The following MVB12A variants were observed in gnomAD, a reference collection of about 807,000 sequenced individuals.
MVB12A encodes multivesicular body subunit 12A.
A neutral mutation model predicts 34.3 loss-of-function variants in MVB12A; 30 were observed. That is an observed-to-expected ratio of 0.88 (90% CI 0.65 to 1.19). The LOEUF (loss-of-function observed/expected upper bound fraction) is 1.19, where lower values mean the gene tolerates loss of function less well. Among genes scored for constraint, MVB12A ranks in the 50% most tolerant of loss-of-function variants. The pLI, the probability that MVB12A is intolerant of heterozygous loss-of-function variation, is 0.00. For missense variants in MVB12A, 355 were observed against 369.2 expected, an observed-to-expected ratio of 0.96 and a Z score of 0.31; for synonymous variants, 158 against 158.9, an observed-to-expected ratio of 0.99 and a Z score of 0.04.
At position 17,420,126 on chromosome 19, in the gene MVB12A, G is replaced by C. The variant is rs773751624; in HGVS notation, c.-10G>C. The C allele has an allele frequency of 1.2e-5, 16 of 1,329,222 alleles. No individual in the cohort carries two copies. In the Admixed American group the frequency reaches 4.5e-4, roughly 38 times the overall value. The allele number at this position is 1,329,222 out of a possible 1,614,324, so 82.3% of individuals were successfully genotyped here. On this transcript the variant is annotated 5_prime_UTR_variant, in exon 1 of 9. Transcript: ENST00000317040. ...CCCCGCGACCCCGCCTTCGGCGCTCGGCTCGCAGGATGGATCCCGTACCCG... is the reference window on the plus strand; with the variant it reads ...CCCCGCGACCCCGCCTTCGGCGCTCCGCTCGCAGGATGGATCCCGTACCCG...
upstream of MVB12A, chr19:17,419,884 A>G (rs1418708939): frequency 1.4e-5 from 5 of 361,924 alleles, no homozygotes; most frequent in Non-Finnish European, 2.5e-5. Flanking sequence ...GAAAGCCGGC[A>G]AGACCTTTTT....
At position 17,412,254 on chromosome 19, in the gene MVB12A, CT is replaced by C. The variant is rs2074774008; in HGVS notation, c.-5+5962del. Among the ~76,000 whole-genome samples the C allele has an allele frequency of 2.0e-5, 3 of 152,090 alleles. No individual in the cohort carries two copies. In the South Asian group the frequency reaches 6.2e-4, roughly 31 times the overall value. On this transcript the variant is annotated intron_variant, in intron 2 of 6. Coordinates refer to the MVB12A transcript ENST00000528604. ...CGGGCCTCTGCTTTTCTTTCTCTCT[CT>C]TTTGCTCTTTCTCTCTCTCTTTCTT...
intron 2 of MVB12A, among the ~76,000 whole-genome samples, chr19:17,407,929 G>A (rs567546760): frequency 9.9e-5 from 15 of 152,206 alleles, no homozygotes; most frequent in African/African-American, 1.4e-4. Flanking sequence ...TGGCGTCACC[G>A]CTAGACCAAG....
chr19:17,424,945 CGTG>C lies in MVB12A; in HGVS notation c.779_781del (p.Val260del). The C allele has an allele frequency of 6.2e-7, 1 of 1,610,140 alleles. No homozygotes were observed. The highest frequency in any genetic ancestry group is 8.5e-7 in the Non-Finnish European group (1 of 1,177,900). On this transcript the variant is annotated inframe_deletion, in exon 9 of 9. Coordinates refer to ENST00000317040, the MANE Select transcript of MVB12A (RefSeq NM_138401.4). ...CCATCCCCCAGTATAACTACGGCTT[CGTG>C]GTGGAGAAGACCGCGGCTGCCCGCC...
intron 1 of MVB12A, 38 bp from the exon 2 acceptor site, chr19:17,420,275 G>C: frequency 6.4e-7 from 1 of 1,558,252 alleles, no homozygotes; most frequent in Non-Finnish European, 8.7e-7. Context: ...AGTCGCTGTG[G>C]GGTGGGAGTC....
chr19:17,424,831 T>G, intron 8 of MVB12A, 100 bp from the exon 9 acceptor site: 1 of 1,245,650 alleles, frequency 8.0e-7, no homozygotes, highest in South Asian at 1.3e-5. Flanking sequence ...AGAAGACCAC[T>G]CAAGTCCCTA....
At chr19:17,410,497 CATAT>C (rs373127253) in intron 2 of MVB12A, among the ~76,000 whole-genome samples, 1,054 of 77,624 alleles carry the variant, frequency 0.014, 52 homozygotes, top group African/African-American at 0.059. Flanking sequence ...GTTTTAGCTT[CATAT>C]ATATATATAT....
At chr19:17,423,975 C>T (rs748199748) in intron 6 of MVB12A, 31 bp from the exon 7 acceptor site, 6 of 1,612,770 alleles carry the variant, frequency 3.7e-6, no homozygotes, top group South Asian at 1.1e-5. Context: ...TTCCCTACAC[C>T]TCACCTCCTC....
In MVB12A at chr19:17,424,653, G is replaced by C. The variant is rs751647117; in HGVS notation, c.735G>C (p.Lys245Asn). 1 of 1,612,472 alleles carries C rather than the reference G, an allele frequency of 6.2e-7. No individual in the cohort carries two copies. The highest frequency in any genetic ancestry group is 1.1e-5 in the South Asian group (1 of 90,860). The stretch of plus-strand genomic sequence containing the variant: ...CTGCTTTTGGGGACCTGACCATCAA[G>C]TCTCTGGCGGACATTGAGGAGGAGG... Reference protein sequence around the residue: ...AFSAFGDLTIKSLADIEEEYN... With the variant: ...AFSAFGDLTINSLADIEEEYN... Residue 245 changes from lysine (K) to asparagine (N), a missense_variant, in exon 8 of 9, where the codon AAG (lysine) becomes AAC (asparagine). Coordinates refer to ENST00000317040, the MANE Select transcript of MVB12A (RefSeq NM_138401.4).
chr19:17,409,671 A>G (rs1221664539), intron 2 of MVB12A, among the ~76,000 whole-genome samples: 27 of 140,050 alleles, frequency 1.9e-4, no homozygotes, highest in Middle Eastern at 4.8e-3. Flanking sequence ...GGCTGGTCTC[A>G]AACTCCCGAC....
chr19:17,425,242 C>G lies in MVB12A; in HGVS notation c.*249C>G, dbSNP rs1033002175. The G allele has an allele frequency of 2.0e-6, 1 of 504,830 alleles. No homozygotes were observed. Among genetic ancestry groups the G allele is most frequent in the East Asian group, 3.4e-5 (1 of 29,478 alleles). The allele number at this position is 504,830 out of a possible 1,614,324, so 31.3% of individuals were successfully genotyped here. A position where few individuals can be genotyped will look rare whatever the true frequency, so the allele number is the denominator to read the frequency against. ...GGCAGGGCTGGAGCTGGACAGAAGC[C>G]AGTGCCTTTAAGTCATTTGTGTCAA... On this transcript the variant is annotated 3_prime_UTR_variant, in exon 9 of 9. Coordinates refer to ENST00000317040, the MANE Select transcript of MVB12A (RefSeq NM_138401.4).
intron 2 of MVB12A, among the ~76,000 whole-genome samples, chr19:17,406,720 G>C (rs2074731210): frequency 6.6e-6 from 1 of 152,152 alleles, no homozygotes; most frequent in South Asian, 2.1e-4. Context: ...TGAGGCAGGA[G>C]GATCACTCGA....
At chr19:17,415,325 G>C (rs111617005), upstream of MVB12A, 4 of 152,150 alleles carry the variant, frequency 2.6e-5, no homozygotes, top group Non-Finnish European at 5.9e-5. Context: ...GTTAACCTGC[G>C]TAAGCAGATC....
chr19:17,420,064 G>T lies in MVB12A; in HGVS notation c.-72G>T. The T allele has an allele frequency of 9.9e-7, 1 of 1,013,088 alleles. No homozygotes were observed. The highest frequency in any genetic ancestry group is 1.3e-6 in the Non-Finnish European group (1 of 784,292). 62.8% of individuals were successfully genotyped at this position (1,013,088 alleles called of 1,614,324 possible). A position where few individuals can be genotyped will look rare whatever the true frequency, so the allele number is the denominator to read the frequency against. ...TGGGAGTTGTAGTTCGGTCGCGAGC[G>T]CTGCCGTCGGGAGGCGCTCCGAGGT... On this transcript the variant is annotated 5_prime_UTR_variant, in exon 1 of 9. Transcript: ENST00000317040.
chr19:17,424,874 C>A (rs1304325998), intron 8 of MVB12A, 57 bp from the exon 9 acceptor site: 4 of 1,359,714 alleles, frequency 2.9e-6, no homozygotes, highest in East Asian at 4.6e-5. Flanking sequence ...AGTCACTCCC[C>A]CTTTGGCCCT....
At chr19:17,421,661 G>T (rs1191501906) in intron 3 of MVB12A, among the ~76,000 whole-genome samples, 1 of 152,002 alleles carries the variant, frequency 6.6e-6, no homozygotes, top group African/African-American at 2.4e-5. Flanking sequence ...CAGGCCTTAG[G>T]CTTGGTGTGG....
At chr19:17,415,536 ATTGT>A (rs913277664), upstream of MVB12A, 6 of 152,270 alleles carry the variant, frequency 3.9e-5, no homozygotes, top group African/African-American at 1.2e-4. Context: ...TGTCTTTTAA[ATTGT>A]TTATTTCTCT....
At position 17,420,049 on chromosome 19, in the gene MVB12A, A is replaced by T; in HGVS notation, c.-87A>T. On this transcript the variant is annotated 5_prime_UTR_variant, in exon 1 of 9. Coordinates refer to ENST00000317040, the MANE Select transcript of MVB12A (RefSeq NM_138401.4). ...CCCCGCATGGCCTTCTGGGAGTTGTAGTTCGGTCGCGAGCGCTGCCGTCGG... is the reference window on the plus strand; with the variant it reads ...CCCCGCATGGCCTTCTGGGAGTTGTTGTTCGGTCGCGAGCGCTGCCGTCGG... The T allele has an allele frequency of 2.7e-5, 9 of 339,518 alleles. No homozygotes were observed. The highest frequency in any genetic ancestry group is 3.5e-5 in the Non-Finnish European group (8 of 227,422). The allele number at this position is 339,518 out of a possible 1,614,324, so 21.0% of individuals were successfully genotyped here.
At chr19:17,411,041 T>G (rs2074766208) in intron 2 of MVB12A, among the ~76,000 whole-genome samples, 1 of 151,232 alleles carries the variant, frequency 6.6e-6, no homozygotes, top group Admixed American at 6.6e-5. Flanking sequence ...CGATCTCCAC[T>G]CACTGCAACC....
Sources: allele counts gnomAD v4.1 joint callset (sites outside exome capture counted in the v4.1 genomes callset), GRCh38; gene constraint gnomAD v4.1.1; transcripts MANE v1.5; gene names NCBI Gene and HGNC (gene_info 2026-07-23, HGNC 2026-07-21).